ADAMTS16: variants seen among roughly 807,000 people sequenced by gnomAD.
ADAMTS16 encodes the protein ADAM metallopeptidase with thrombospondin type 1 motif 16, also known as A disintegrin and metalloproteinase with thrombospondin motifs 16.
ADAMTS16 carries 94 observed loss-of-function variants against 145.8 expected under a neutral mutation model. That is an observed-to-expected ratio of 0.64 (90% CI 0.55 to 0.77). The LOEUF (loss-of-function observed/expected upper bound fraction) is 0.77. ADAMTS16 is among the 30% of genes least tolerant of loss of function. The pLI, the probability that ADAMTS16 is intolerant of heterozygous loss-of-function variation, is 0.00. For missense variants in ADAMTS16, 1,585 were observed against 1,591.5 expected, an observed-to-expected ratio of 1.00 and a Z score of 0.07; for synonymous variants, 659 against 604.3, an observed-to-expected ratio of 1.09 and a Z score of -1.33.
rs530660461 is a variant in ADAMTS16, at chr5:5,194,246, G to A, written c.1313+2456G>A. Among the ~76,000 whole-genome samples the A allele has an allele frequency of 4.6e-5, 7 of 152,294 alleles. No individual in the cohort carries two copies. The East Asian group carries it at 7.7e-4, about 17-fold the overall frequency. On this transcript the variant is annotated intron_variant, in intron 8 of 22. Coordinates refer to ENST00000274181, the MANE Select transcript of ADAMTS16 (RefSeq NM_139056.4). ...GACAGAGAACCTGGAGCTTGTCAAC[G>A]AAAAACCTGCTGACCATGTTGAGAA...
At chr5:5,241,536 G>T (rs960503897) in intron 16 of ADAMTS16, among the ~76,000 whole-genome samples, 1 of 152,152 alleles carries the variant, frequency 6.6e-6, no homozygotes, top group Admixed American at 6.5e-5. Flanking sequence ...AGTGTCCTGC[G>T]TTATTTGAAT....
intron 11 of ADAMTS16, among the ~76,000 whole-genome samples, chr5:5,231,754 A>G (rs920178061): frequency 5.3e-5 from 8 of 152,212 alleles, no homozygotes; most frequent in Admixed American, 2.6e-4. Flanking sequence ...ACTTGTCTGG[A>G]GAAAGGGGAA....
chr5:5,240,198 A>G (rs1737245949), intron 16 of ADAMTS16, among the ~76,000 whole-genome samples: 1 of 152,080 alleles, frequency 6.6e-6, no homozygotes, highest in African/African-American at 2.4e-5. Context: ...TGTAAGCTCG[A>G]TGGCTGTGAG....
chr5:5,140,909 T>TA, intron 2 of ADAMTS16, 143 bp downstream of exon 2: 2 of 671,622 alleles, frequency 3.0e-6, no homozygotes, highest in East Asian at 3.4e-5. Context: ...TTTTTTTTTT[T>TA]AACTGTATGA....
At chr5:5,259,101 G>A (rs1029110608) in intron 17 of ADAMTS16, among the ~76,000 whole-genome samples, 1 of 152,114 alleles carries the variant, frequency 6.6e-6, no homozygotes, top group Non-Finnish European at 1.5e-5. Flanking sequence ...ATGGTCCACT[G>A]CTATCTCAGG....
intron 10 of ADAMTS16, among the ~76,000 whole-genome samples, chr5:5,214,775 C>G (rs1736374347): frequency 6.6e-6 from 1 of 152,140 alleles, no homozygotes. Flanking sequence ...CTCAAAATTA[C>G]ATATGGTGTG....
chr5:5,274,613 T>C (rs1280444171), intron 18 of ADAMTS16, among the ~76,000 whole-genome samples: 1 of 152,178 alleles, frequency 6.6e-6, no homozygotes, highest in Non-Finnish European at 1.5e-5. Flanking sequence ...AAGGACATCT[T>C]GGTTGCTTTA....
chr5:5,201,240 C>A (rs1735946043), intron 9 of ADAMTS16, among the ~76,000 whole-genome samples: 1 of 152,096 alleles, frequency 6.6e-6, no homozygotes, highest in Admixed American at 6.5e-5. Context: ...CATATGACTG[C>A]CCAGAAGTGC....
chr5:5,297,857 T>C (rs1739609855), intron 18 of ADAMTS16, among the ~76,000 whole-genome samples: 1 of 152,204 alleles, frequency 6.6e-6, no homozygotes, highest in Admixed American at 6.5e-5. Flanking sequence ...GTCTGGCTCA[T>C]TGTAAATCTC....
At chr5:5,148,657 A>G (rs1459805811) in intron 3 of ADAMTS16, among the ~76,000 whole-genome samples, 1 of 152,238 alleles carries the variant, frequency 6.6e-6, no homozygotes, top group Non-Finnish European at 1.5e-5. Flanking sequence ...GTGTTGTCCT[A>G]TTTATAGTAA....
At chr5:5,246,825 A>G (rs78834749) in intron 17 of ADAMTS16, among the ~76,000 whole-genome samples, 143 of 152,312 alleles carry the variant, frequency 9.4e-4, no homozygotes, top group African/African-American at 3.2e-3. Context: ...ATAAGGACAG[A>G]TGGTATATAC....
rs74550209 is a variant in ADAMTS16 at position 5,266,295 on chromosome 5, T to C, written c.2789+3512T>C. 3.9e-5 allele frequency among the ~76,000 whole-genome samples: 6 copies of C among 152,252 alleles called. No homozygotes were observed. The East Asian group carries it at 1.2e-3, about 29-fold the overall frequency. On this transcript the variant is annotated intron_variant, in intron 18 of 22. Coordinates refer to ENST00000274181, the MANE Select transcript of ADAMTS16 (RefSeq NM_139056.4). ...GCTCCTAATTGTGTGCTTTGAGGTATCACATAATTCAGATATGAAGTGATA... is the reference window on the plus strand; with the variant it reads ...GCTCCTAATTGTGTGCTTTGAGGTACCACATAATTCAGATATGAAGTGATA...
chr5:5,280,704 C>A (rs778152416), intron 18 of ADAMTS16, among the ~76,000 whole-genome samples: 11 of 151,964 alleles, frequency 7.2e-5, no homozygotes, highest in Non-Finnish European at 1.3e-4. Context: ...TAAAGCGCCA[C>A]CTAATTAGTC....
chr5:5,219,101 C>G (rs570501054), intron 10 of ADAMTS16, among the ~76,000 whole-genome samples: 2 of 152,092 alleles, frequency 1.3e-5, no homozygotes, highest in East Asian at 3.9e-4. Flanking sequence ...GTGTGGAGCC[C>G]TCTCCAGGGA....
intron 17 of ADAMTS16, among the ~76,000 whole-genome samples, chr5:5,246,898 G>A (rs1467744393): frequency 4.6e-5 from 7 of 152,166 alleles, no homozygotes; most frequent in Non-Finnish European, 1.0e-4. Context: ...GCCCATGTGT[G>A]ACAATGCAAG....
intron 17 of ADAMTS16, among the ~76,000 whole-genome samples, chr5:5,259,122 G>T (rs1217634270): frequency 6.6e-6 from 1 of 152,176 alleles, no homozygotes; most frequent in African/African-American, 2.4e-5. Context: ...GACACTGACA[G>T]CGATAATTTT....
At chr5:5,239,080 T>G (rs2126384574) in intron 14 of ADAMTS16, 71 bp from the exon 15 acceptor site, 2,734 of 1,319,076 alleles carry the variant, frequency 2.1e-3, no homozygotes, top group Non-Finnish European at 2.5e-3. Context: ...GTTTCTTGCA[T>G]GAGATTGGTG....
intron 10 of ADAMTS16, among the ~76,000 whole-genome samples, chr5:5,216,134 C>T (rs1736433527): frequency 6.6e-6 from 1 of 151,868 alleles, no homozygotes; most frequent in African/African-American, 2.4e-5. Context: ...TCCATAGTGG[C>T]TTTACTGGTT....
At chr5:5,237,466 T>A (rs996915152) in intron 14 of ADAMTS16, among the ~76,000 whole-genome samples, 4 of 152,116 alleles carry the variant, frequency 2.6e-5, no homozygotes, top group Admixed American at 2.6e-4. Context: ...TGCTAGCCAC[T>A]GATTCAGTCA....
Sources: allele counts gnomAD v4.1 joint callset (sites outside exome capture counted in the v4.1 genomes callset), GRCh38; gene constraint gnomAD v4.1.1; transcripts MANE v1.5; gene names NCBI Gene and HGNC (gene_info 2026-07-23, HGNC 2026-07-21).